The following PFKFB3 variants were observed in gnomAD, a reference collection of about 807,000 sequenced individuals.
The protein encoded by PFKFB3 is 6-phosphofructo-2-kinase/fructose-2,6-bisphosphatase 3.
A neutral mutation model predicts 68.0 loss-of-function variants in PFKFB3; 33 were observed. The ratio of observed to expected loss-of-function variants is 0.49; its 90% CI spans 0.37 to 0.65. The LOEUF (loss-of-function observed/expected upper bound fraction) is 0.65. Ranked by LOEUF, PFKFB3 falls within the 30% of genes least tolerant of loss-of-function variation. PFKFB3 has a pLI of 0.00. For synonymous variants in PFKFB3, 315 were observed against 288.2 expected (o/e 1.09, Z -0.94); for missense variants, 586 against 712.2 (o/e 0.82, Z 2.02).
chr10:6,146,612 C>G, intron 1 of PFKFB3: 1 of 1,078,678 alleles, frequency 9.3e-7, no homozygotes, highest in South Asian at 1.6e-5. Context: ...TCGCTTCTGC[C>G]CACTTTTGTC....
At chr10:6,262,621 C>T in the PFKFB3 span, among the ~76,000 whole-genome samples, 1 of 152,124 alleles carries the variant, frequency 6.6e-6, no homozygotes, top group East Asian at 1.9e-4. Context: ...CAGTCATGGT[C>T]AAGTTAGGAA....
Position 6,213,797 on chromosome 10 carries a change from C to T in PFKFB3, c.202+49C>T, listed in dbSNP as rs769693369. 27 of 1,589,298 alleles carry T rather than the reference C, an allele frequency of 1.7e-5. No homozygotes were observed. In the East Asian group the frequency reaches 5.9e-4, roughly 34 times the overall value. On this transcript the variant is annotated intron_variant, in intron 2 of 14. Coordinates refer to ENST00000379775, the MANE Select transcript of PFKFB3 (RefSeq NM_004566.4). Reference sequence around the variant, plus strand: ...ACCCCTGCTCGTGCAAAAACTTGACCTTCCATCTCAGTTGCTGGTTTCACA... The same window carrying T: ...ACCCCTGCTCGTGCAAAAACTTGACTTTCCATCTCAGTTGCTGGTTTCACA...
At chr10:6,210,228 T>C (rs1844079250) in intron 1 of PFKFB3, among the ~76,000 whole-genome samples, 1 of 119,640 alleles carries the variant, frequency 8.4e-6, no homozygotes, top group Non-Finnish European at 2.0e-5. Context: ...GGTTGGAGAA[T>C]AAGACAAAAA....
chr10:6,222,663 G>A (rs925224585), intron 10 of PFKFB3, 192 bp from the exon 11 acceptor site: 10 of 498,194 alleles, frequency 2.0e-5, no homozygotes, highest in East Asian at 1.2e-4. Context: ...GTGTGGGAGC[G>A]GAGTGGGGAG....
the PFKFB3 span, among the ~76,000 whole-genome samples, chr10:6,272,243 C>T: frequency 6.6e-6 from 1 of 152,274 alleles, no homozygotes; most frequent in East Asian, 1.9e-4. Context: ...CCCTTCTGTC[C>T]CTTAGGACTT....
At chr10:6,219,806 A>C in intron 7 of PFKFB3, 113 bp downstream of exon 7, 1 of 1,188,266 alleles carries the variant, frequency 8.4e-7, no homozygotes, top group Non-Finnish European at 1.2e-6. Context: ...TTTTTTTAAG[A>C]CAGTTTTTTT....
At chr10:6,262,795 T>A in the PFKFB3 span, among the ~76,000 whole-genome samples, 8 of 152,066 alleles carry the variant, frequency 5.3e-5, no homozygotes, top group South Asian at 1.7e-3. Context: ...GGCAAGAGGG[T>A]GGTGTTATCA....
rs771030415 is a variant in PFKFB3, at chr10:6,224,007, G to A, written c.1263G>A (p.Thr421=). The change falls in exon 12 of 15, where the codon ACG becomes ACA. Residue 421 remains threonine, a synonymous_variant. Transcript: ENST00000379775. Reference sequence around the variant, plus strand: ...CTCTTCACACCGTCCTGAAACTGACGCCTGTCGCTTATGGTGAGTAGCAAC... The same window carrying A: ...CTCTTCACACCGTCCTGAAACTGACACCTGTCGCTTATGGTGAGTAGCAAC... ...KCPLHTVLKL[T]PVAYGCRVES... 40 of 1,614,178 alleles carry A rather than the reference G, an allele frequency of 2.5e-5. No homozygotes were observed. The highest frequency in any genetic ancestry group is 1.6e-4 in the South Asian group (15 of 91,082).
chr10:6,243,609 C>T (rs761876272), intron 14 of PFKFB3, among the ~76,000 whole-genome samples: 1 of 152,194 alleles, frequency 6.6e-6, no homozygotes, highest in Non-Finnish European at 1.5e-5. Flanking sequence ...GTTCTCTTTC[C>T]CTAATTCAAC....
chr10:6,152,499 C>A (rs548703806), intron 1 of PFKFB3, among the ~76,000 whole-genome samples: 122 of 152,252 alleles, frequency 8.0e-4, no homozygotes, highest in African/African-American at 2.8e-3. Context: ...CTAAATCTCT[C>A]TGGGACGTTT....
chr10:6,149,996 T>C (rs1358309153), intron 1 of PFKFB3: 1 of 152,244 alleles, frequency 6.6e-6, no homozygotes, highest in Non-Finnish European at 1.5e-5. Flanking sequence ...GACACCTAGG[T>C]TGATTCCATG....
chr10:6,146,233 C>T (rs548579326), intron 1 of PFKFB3: 12 of 1,444,076 alleles, frequency 8.3e-6, no homozygotes, highest in Non-Finnish European at 1.1e-5. Flanking sequence ...TCTCTCATAA[C>T]TCAGAGGCAC....
At position 6,229,045 on chromosome 10, in the gene PFKFB3, CA is replaced by C. The variant is rs975956709; in HGVS notation, c.1515+2685del. ...ATGAAGTGTCATCCCCTTGCCCCCC[CA>C]AAAACACACCCGCCCCTTTATTTCC... On this transcript the variant is annotated intron_variant, in intron 14 of 14. Coordinates refer to ENST00000379775, the MANE Select transcript of PFKFB3 (RefSeq NM_004566.4). The surrounding 1 kb of genome is among the most constrained non-coding windows in gnomAD (Gnocchi z 4.3). 34 of 491,268 alleles carry C rather than the reference CA, an allele frequency of 6.9e-5. No individual in the cohort carries two copies. In the Admixed American group the frequency reaches 7.6e-4, roughly 11 times the overall value. The allele number at this position is 491,268 out of a possible 1,614,324, so 30.4% of individuals were successfully genotyped here.
rs554613827 is a variant in PFKFB3, at chr10:6,215,895, G to A, written c.300-230G>A. On this transcript the variant is annotated intron_variant, in intron 3 of 14. Transcript: ENST00000379775. The surrounding 1 kb of genome is among the most constrained non-coding windows in gnomAD (Gnocchi z 4.3). ...TAGCAGCTCCCCAGGAGTGGTTCCC[G>A]CGTGCAGCCCGGTTTGAGCACCGCC... 1.6e-4 allele frequency among the ~76,000 whole-genome samples: 25 copies of A among 152,228 alleles called. No homozygotes were observed. Among genetic ancestry groups the A allele is most frequent in the African/African-American group, 4.8e-4 (20 of 41,532 alleles).
intron 11 of PFKFB3, among the ~76,000 whole-genome samples, chr10:6,223,490 A>C (rs1845104681): frequency 6.6e-6 from 1 of 152,124 alleles, no homozygotes; most frequent in Non-Finnish European, 1.5e-5. Flanking sequence ...CTTTGGGCTA[A>C]AGTCTTCTTC....
chr10:6,221,000 T>C lies in PFKFB3; in HGVS notation c.831+135T>C, dbSNP rs954636932. 35 of 846,902 alleles carry C rather than the reference T, an allele frequency of 4.1e-5. No individual in the cohort carries two copies. The highest frequency in any genetic ancestry group is 6.6e-5 in the Non-Finnish European group (34 of 514,958). 52.5% of individuals were successfully genotyped at this position (846,902 alleles called of 1,614,324 possible). ...GTGCTTGCTGTGTGTGTTATCTGTG[T>C]GTGCGCCTGCACGTCTCTATGCATA... is the stretch of plus-strand genomic sequence containing the variant. On this transcript the variant is annotated intron_variant, in intron 8 of 14. Transcript: ENST00000379775. The surrounding 1 kb of genome is among the most constrained non-coding windows in gnomAD (Gnocchi z 4.1).
the PFKFB3 span, among the ~76,000 whole-genome samples, chr10:6,311,585 C>T: frequency 6.6e-6 from 1 of 151,964 alleles, no homozygotes; most frequent in East Asian, 1.9e-4. Flanking sequence ...CCCGTCTATA[C>T]TAAAAATACA....
intron 13 of PFKFB3, chr10:6,224,723 G>T: frequency 3.1e-6 from 1 of 324,870 alleles, no homozygotes; most frequent in Admixed American, 4.6e-5. Flanking sequence ...CTGGGCTCAA[G>T]TGATCCTCCT....
Position 6,220,457 on chromosome 10 carries a change from G to C in PFKFB3, c.624-201G>C, listed in dbSNP as rs185037130. The stretch of plus-strand genomic sequence containing the variant: ...TTTCTCCCCCTTTTCTGGGAGGCAG[G>C]CCAGCCTCACAGCCAGACACCAGCT... On this transcript the variant is annotated intron_variant, in intron 7 of 14. Transcript: ENST00000379775. This position sits in a 1 kb window ranked among gnomAD's most constrained non-coding sequence, Gnocchi z 4.1. Among the ~76,000 whole-genome samples the C allele has an allele frequency of 6.6e-6, 1 of 152,124 alleles. No individual in the cohort carries two copies. The highest frequency in any genetic ancestry group is 1.5e-5 in the Non-Finnish European group (1 of 68,026).
Sources: gnomAD v4.1 joint callset for allele counts (sites outside exome capture counted in the v4.1 genomes callset) on GRCh38, gnomAD v4.1.1 for gene constraint, Gnocchi (gnomAD v3.1) non-coding constraint, MANE v1.5 for transcripts, NCBI Gene and HGNC (gene_info 2026-07-23, HGNC 2026-07-21) for gene names.